The following CDC42SE2 variants were observed in gnomAD, a reference collection of about 807,000 sequenced individuals.
CDC42SE2 encodes CDC42 small effector 2, also known as CDC42 small effector protein 2.
Under a neutral mutation model 11.5 loss-of-function variants are expected in CDC42SE2, and 3 were observed. The observed-to-expected ratio is 0.26, with a 90% CI of 0.12 to 0.67. CDC42SE2 has a LOEUF of 0.67. Ranked by LOEUF, CDC42SE2 falls within the 30% of genes least tolerant of loss-of-function variation. The pLI is 0.80. For missense variants in CDC42SE2, 82 were observed against 106.8 expected, an observed-to-expected ratio of 0.77 and a Z score of 1.02; for synonymous variants, 33 against 34.8, an observed-to-expected ratio of 0.95 and a Z score of 0.18.
chr5:131,325,258 C>G (rs1758272230), intron 2 of CDC42SE2, among the ~76,000 whole-genome samples: 1 of 150,706 alleles, frequency 6.6e-6, no homozygotes, highest in African/African-American at 2.4e-5. Context: ...TCTAAAAGCA[C>G]TACCAATCTA....
At chr5:131,245,213 G>A (rs376887961), upstream of CDC42SE2, among the ~76,000 whole-genome samples, 4 of 152,162 alleles carry the variant, frequency 2.6e-5, no homozygotes, top group African/African-American at 9.7e-5. Flanking sequence ...TCTTACAAGT[G>A]GTTATTTTCG....
the CDC42SE2 span, among the ~76,000 whole-genome samples, chr5:131,216,990 T>TG: frequency 5.8e-3 from 890 of 152,262 alleles, 7 homozygotes; most frequent in African/African-American, 0.02. Context: ...TTCCATTGAA[T>TG]AATCATCAAG....
intron 2 of CDC42SE2, among the ~76,000 whole-genome samples, chr5:131,331,303 A>C (rs1758414911): frequency 6.6e-6 from 1 of 152,220 alleles, no homozygotes; most frequent in South Asian, 2.1e-4. Context: ...TTACCAAGTC[A>C]AATGCAACAG....
At chr5:131,244,547 C>CA (rs1756564563), upstream of CDC42SE2, among the ~76,000 whole-genome samples, 1 of 152,106 alleles carries the variant, frequency 6.6e-6, no homozygotes. Context: ...CCTGTCTCTA[C>CA]AAAAAATAGA....
chr5:131,352,475 T>C (rs1489989814), intron 2 of CDC42SE2, among the ~76,000 whole-genome samples: 1 of 152,138 alleles, frequency 6.6e-6, no homozygotes, highest in Admixed American at 6.6e-5. Context: ...CATGAAACTA[T>C]AGGAAAGTCT....
chr5:131,342,755 C>G (rs1758742397), intron 2 of CDC42SE2, among the ~76,000 whole-genome samples: 1 of 151,152 alleles, frequency 6.6e-6, no homozygotes, highest in Non-Finnish European at 1.5e-5. Context: ...CTCTATTACT[C>G]AGGTTGGAGT....
chr5:131,222,698 T>C, the CDC42SE2 span, among the ~76,000 whole-genome samples: 1 of 152,220 alleles, frequency 6.6e-6, no homozygotes, highest in East Asian at 1.9e-4. Context: ...ATCTGCTCCT[T>C]ATGCAGTTGT....
At chr5:131,254,359 T>G (rs919229625) in intron 1 of CDC42SE2, among the ~76,000 whole-genome samples, 2 of 152,078 alleles carry the variant, frequency 1.3e-5, no homozygotes, top group African/African-American at 4.8e-5. Flanking sequence ...CTGGCCAACA[T>G]GGCGAAACTC....
At chr5:131,330,657 A>C (rs1412368351) in intron 2 of CDC42SE2, among the ~76,000 whole-genome samples, 1 of 152,028 alleles carries the variant, frequency 6.6e-6, no homozygotes, top group African/African-American at 2.4e-5. Flanking sequence ...TGTCTAGTGG[A>C]TAGAGGCCAA....
chr5:131,334,384 T>C (rs543112122), intron 2 of CDC42SE2, among the ~76,000 whole-genome samples: 37 of 152,322 alleles, frequency 2.4e-4, no homozygotes, highest in Admixed American at 6.5e-4. Context: ...TATTGAGAAT[T>C]TTTGCATCAA....
intron 1 of CDC42SE2, among the ~76,000 whole-genome samples, chr5:131,273,154 T>C (rs1220443685): frequency 7.0e-6 from 1 of 142,102 alleles, no homozygotes; most frequent in African/African-American, 2.9e-5. Context: ...TACATTTTTT[T>C]ATAATTTTTT....
intron 2 of CDC42SE2, among the ~76,000 whole-genome samples, chr5:131,339,043 C>T (rs1038633342): frequency 5.9e-5 from 9 of 151,730 alleles, no homozygotes; most frequent in Admixed American, 3.3e-4. Context: ...GTCAGAAGAT[C>T]GAGACCATAC....
At chr5:131,305,841 A>G (rs1757767950) in intron 1 of CDC42SE2, among the ~76,000 whole-genome samples, 1 of 152,180 alleles carries the variant, frequency 6.6e-6, no homozygotes, top group Non-Finnish European at 1.5e-5. Context: ...GACCAATGTC[A>G]TGTAACTATT....
At chr5:131,330,637 G>A (rs1048563551) in intron 2 of CDC42SE2, among the ~76,000 whole-genome samples, 2 of 152,062 alleles carry the variant, frequency 1.3e-5, no homozygotes, top group Non-Finnish European at 2.9e-5. Flanking sequence ...GTGGAAAGGG[G>A]TACTGTTCGT....
intron 2 of CDC42SE2, among the ~76,000 whole-genome samples, chr5:131,326,105 GA>G (rs1202461279): frequency 6.6e-6 from 1 of 151,570 alleles, no homozygotes; most frequent in African/African-American, 2.4e-5. Flanking sequence ...TTACAAACGA[GA>G]TTTTTTTTTT....
In CDC42SE2 at chr5:131,359,557, A is replaced by T. The variant is rs1222847365; in HGVS notation, c.54+10A>T. The T allele has an allele frequency of 1.2e-6, 2 of 1,603,442 alleles. No homozygotes were observed. Among genetic ancestry groups the T allele is most frequent in the African/African-American group, 2.7e-5 (2 of 74,702 alleles). On this transcript the variant is annotated intron_variant, in intron 3 of 4. Coordinates refer to ENST00000505065, the MANE Select transcript of CDC42SE2 (RefSeq NM_001375635.1). ...AGAACAGCCTCAGCCTGTAAGTATG[A>T]AGTATGTGGACACATCAGGTGGGGT...
rs566004425 is a variant in CDC42SE2 at position 131,274,174 on chromosome 5, T to G, written c.-455+10008T>G. ...CGTACTCCGCATTTTTAAGTAGATTTCTAATAGGCATCCCAGATTTAATGT... is the reference window on the plus strand; with the variant it reads ...CGTACTCCGCATTTTTAAGTAGATTGCTAATAGGCATCCCAGATTTAATGT... On this transcript the variant is annotated intron_variant, in intron 1 of 4. Transcript: ENST00000505065. Among the ~76,000 whole-genome samples the G allele has an allele frequency of 2.0e-5, 3 of 152,300 alleles. No individual in the cohort carries two copies. In the East Asian group the frequency reaches 5.8e-4, roughly 29 times the overall value.
intron 4 of CDC42SE2, among the ~76,000 whole-genome samples, chr5:131,387,624 G>A (rs1252605161): frequency 2.0e-5 from 3 of 152,040 alleles, no homozygotes; most frequent in East Asian, 1.9e-4. Context: ...TGTACATTTC[G>A]GAATTTCCTT....
At chr5:131,365,472 A>G (rs117504335) in intron 3 of CDC42SE2, among the ~76,000 whole-genome samples, 2 of 152,244 alleles carry the variant, frequency 1.3e-5, no homozygotes, top group East Asian at 3.9e-4. Context: ...TGCAATAATA[A>G]CCTCGTATGG....
Sources: gnomAD v4.1 joint callset for allele counts (sites outside exome capture counted in the v4.1 genomes callset) on GRCh38, gnomAD v4.1.1 for gene constraint, MANE v1.5 for transcripts, NCBI Gene and HGNC (gene_info 2026-07-23, HGNC 2026-07-21) for gene names.